NRG1: variants seen among roughly 807,000 people sequenced by gnomAD.
NRG1 encodes neuregulin 1.
NRG1 carries 18 observed loss-of-function variants against 63.8 expected under a neutral mutation model. The observed-to-expected ratio is 0.28, with a 90% confidence interval of 0.19 to 0.42. NRG1 has a LOEUF of 0.42. NRG1 is among the 10% of genes least tolerant of loss of function. The pLI is 1.00. For synonymous variants in NRG1, 302 were observed against 301.3 expected, an observed-to-expected ratio of 1.00 and a Z score of -0.02; for missense variants, 762 against 814.7, an observed-to-expected ratio of 0.94 and a Z score of 0.79.
At chr8:32,479,497 T>A (rs1824955862) in intron 1 of NRG1, among the ~76,000 whole-genome samples, 1 of 151,706 alleles carries the variant, frequency 6.6e-6, no homozygotes, top group Non-Finnish European at 1.5e-5. Flanking sequence ...ATAAATAAAT[T>A]CATTAAACTG....
At chr8:32,249,646 C>G (rs1161526692) in intron 1 of NRG1, among the ~76,000 whole-genome samples, 1 of 152,066 alleles carries the variant, frequency 6.6e-6, no homozygotes, top group Non-Finnish European at 1.5e-5. Context: ...GCCTTGCTAC[C>G]AATAGACAAG....
intron 1 of NRG1, among the ~76,000 whole-genome samples, chr8:32,227,959 G>T (rs1846509689): frequency 6.6e-6 from 1 of 152,138 alleles, no homozygotes; most frequent in Non-Finnish European, 1.5e-5. Flanking sequence ...CAAGTTGTTA[G>T]CAATATTTGG....
chr8:32,399,425 G>C (rs746588873), intron 1 of NRG1, among the ~76,000 whole-genome samples: 2 of 152,218 alleles, frequency 1.3e-5, no homozygotes, highest in Admixed American at 6.5e-5. Context: ...GGGATGTGGT[G>C]GCTCACGCCT....
At chr8:32,564,691 G>T (rs1304461951) in intron 1 of NRG1, among the ~76,000 whole-genome samples, 5 of 152,210 alleles carry the variant, frequency 3.3e-5, no homozygotes, top group Admixed American at 6.5e-5. Flanking sequence ...ATCAAGGGTT[G>T]TTAAGAAGGT....
At chr8:32,220,591 A>G (rs906864499) in intron 1 of NRG1, among the ~76,000 whole-genome samples, 3 of 152,216 alleles carry the variant, frequency 2.0e-5, no homozygotes, top group African/African-American at 7.2e-5. Context: ...GCTGGTTCAA[A>G]GGAGGGGAAA....
intron 1 of NRG1, among the ~76,000 whole-genome samples, chr8:32,054,559 G>A (rs957655100): frequency 6.6e-6 from 1 of 152,174 alleles, no homozygotes; most frequent in African/African-American, 2.4e-5. Flanking sequence ...ATGATGTTTG[G>A]AAGTTGTGTG....
intron 3 of NRG1, among the ~76,000 whole-genome samples, chr8:32,611,811 A>G (rs1400125062): frequency 6.6e-6 from 1 of 152,102 alleles, no homozygotes; most frequent in Non-Finnish European, 1.5e-5. Context: ...GACACATTTT[A>G]TGTATGTTTG....
intron 1 of NRG1, among the ~76,000 whole-genome samples, chr8:32,266,237 C>G (rs999916970): frequency 6.6e-6 from 1 of 152,136 alleles, no homozygotes; most frequent in Non-Finnish European, 1.5e-5. Flanking sequence ...TAAAAACTTT[C>G]TTATGAAACA....
intron 3 of NRG1, among the ~76,000 whole-genome samples, chr8:32,606,267 G>A (rs1170047211): frequency 6.6e-6 from 1 of 151,066 alleles, no homozygotes; most frequent in Non-Finnish European, 1.5e-5. Flanking sequence ...CTCAATTCTG[G>A]CAATTTTATT....
intron 1 of NRG1, among the ~76,000 whole-genome samples, chr8:32,095,366 A>G (rs1373840001): frequency 6.6e-6 from 1 of 152,198 alleles, no homozygotes; most frequent in Non-Finnish European, 1.5e-5. Context: ...CTCTGAATCT[A>G]TGCCTGTGTA....
At chr8:32,682,213 A>AT (rs1201731035) in intron 5 of NRG1, among the ~76,000 whole-genome samples, 1 of 152,134 alleles carries the variant, frequency 6.6e-6, no homozygotes, top group African/African-American at 2.4e-5. Flanking sequence ...TTATGATGCT[A>AT]TTTTTATAGT....
chr8:32,589,253 C>T (rs1312386578), intron 1 of NRG1, among the ~76,000 whole-genome samples: 1 of 152,320 alleles, frequency 6.6e-6, no homozygotes, highest in East Asian at 1.9e-4. Context: ...CTGTAATCAA[C>T]TTCGTGAGAT....
In NRG1 at chr8:32,605,698, C is replaced by A; in HGVS notation, c.400+15C>A. 9 of 1,611,356 alleles carry A rather than the reference C, an allele frequency of 5.6e-6. No homozygotes were observed. The highest frequency in any genetic ancestry group is 7.6e-6 in the Non-Finnish European group (9 of 1,178,338). On this transcript the variant is annotated intron_variant, in intron 3 of 11. Transcript: ENST00000356819. ...GGAATCAAACGGTAAGAGATACCTA[C>A]GGTATTCTGTTCCTCAATCTGTAAC...
At chr8:32,463,784 T>C (rs1246654936) in intron 1 of NRG1, among the ~76,000 whole-genome samples, 1 of 147,000 alleles carries the variant, frequency 6.8e-6, no homozygotes, top group African/African-American at 2.5e-5. Flanking sequence ...AAGGCTACGG[T>C]AAGCCATGAT....
At chr8:32,115,940 T>A (rs1832658851) in intron 1 of NRG1, among the ~76,000 whole-genome samples, 1 of 152,172 alleles carries the variant, frequency 6.6e-6, no homozygotes, top group Non-Finnish European at 1.5e-5. Context: ...CCAATCTGAC[T>A]GATGGGGCAA....
chr8:31,944,578 C>A (rs1802250772), intron 1 of NRG1, among the ~76,000 whole-genome samples: 1 of 152,146 alleles, frequency 6.6e-6, no homozygotes, highest in South Asian at 2.1e-4. Flanking sequence ...ATTTGTACCA[C>A]CATAATTCTT....
intron 1 of NRG1, among the ~76,000 whole-genome samples, chr8:32,252,562 T>C (rs1027007227): frequency 6.6e-6 from 1 of 152,216 alleles, no homozygotes; most frequent in Non-Finnish European, 1.5e-5. Context: ...ATATATCTGT[T>C]TTGGTACCAG....
intron 1 of NRG1, among the ~76,000 whole-genome samples, chr8:32,176,582 T>G (rs371635536): frequency 1.3e-5 from 2 of 152,076 alleles, no homozygotes; most frequent in Non-Finnish European, 2.9e-5. Context: ...TATTCATCTG[T>G]CAAAGGGCTA....
At chr8:31,948,491 T>C (rs1449977982) in intron 1 of NRG1, among the ~76,000 whole-genome samples, 2 of 152,138 alleles carry the variant, frequency 1.3e-5, no homozygotes, top group Admixed American at 1.3e-4. Context: ...TTGGCAGGCA[T>C]TTTCTCTCCT....
Sources: allele counts gnomAD v4.1 joint callset (sites outside exome capture counted in the v4.1 genomes callset), GRCh38; gene constraint gnomAD v4.1.1; transcripts MANE v1.5; gene names NCBI Gene and HGNC (gene_info 2026-07-23, HGNC 2026-07-21).